The following DPYD variants were observed in gnomAD, a reference collection of about 807,000 sequenced individuals.
DPYD encodes dihydropyrimidine dehydrogenase [NADP(+)].
In DPYD, 109 loss-of-function variants were observed where a neutral mutation model predicts 116.2. That is an observed-to-expected ratio of 0.94 (90% confidence interval 0.80 to 1.10). The LOEUF is 1.10. Among genes scored for constraint, DPYD ranks in the 50% least tolerant of loss-of-function variants. The probability of loss-of-function intolerance (pLI) is 0.00; values close to 1 mark genes in which losing one functional copy is unlikely to be tolerated. For synonymous variants in DPYD, 440 were observed against 432.0 expected, an observed-to-expected ratio of 1.02 and a Z score of -0.23; for missense variants, 1,302 against 1,254.5, an observed-to-expected ratio of 1.04 and a Z score of -0.57.
chr1:97,177,036 A>T (rs569628705), intron 20 of DPYD, among the ~76,000 whole-genome samples: 86 of 152,254 alleles, frequency 5.6e-4, no homozygotes, highest in Non-Finnish European at 9.4e-4. Flanking sequence ...GTTTCAGGTT[A>T]TCTAGGAAAA....
At position 97,633,200 on chromosome 1, in the gene DPYD, A is replaced by G. The variant is rs1657372432; in HGVS notation, c.851-38034T>C. ...GTCAAGATAGGATATGACAACAATA[A>G]GTTATATTCAATAAGAAAGAAAAAG... On this transcript the variant is annotated intron_variant, in intron 8 of 22. Transcript: ENST00000370192. Among the ~76,000 whole-genome samples the G allele has an allele frequency of 2.6e-5, 4 of 152,296 alleles. No individual in the cohort carries two copies. The South Asian group carries it at 8.3e-4, about 32-fold the overall frequency.
intron 12 of DPYD, among the ~76,000 whole-genome samples, chr1:97,537,042 A>G (rs1650054768): frequency 6.6e-6 from 1 of 152,256 alleles, no homozygotes; most frequent in Non-Finnish European, 1.5e-5. Flanking sequence ...GTGAAATTAA[A>G]GTGATATTTT....
At chr1:97,198,489 G>C (rs973487054) in intron 19 of DPYD, among the ~76,000 whole-genome samples, 1 of 152,132 alleles carries the variant, frequency 6.6e-6, no homozygotes, top group Admixed American at 6.6e-5. Context: ...CTTTGCCCAT[G>C]GATTTGATCT....
At chr1:97,553,760 A>G (rs1455674674) in intron 11 of DPYD, among the ~76,000 whole-genome samples, 1 of 152,050 alleles carries the variant, frequency 6.6e-6, no homozygotes, top group Non-Finnish European at 1.5e-5. Flanking sequence ...AGACTGTGGC[A>G]TATGTCCCAG....
chr1:97,379,855 G>C (rs557346108), intron 15 of DPYD, among the ~76,000 whole-genome samples: 2 of 152,190 alleles, frequency 1.3e-5, no homozygotes, highest in African/African-American at 2.4e-5. Flanking sequence ...AAAGTGATGA[G>C]AGAATGGGTG....
chr1:97,118,881 T>C (rs1390203079), intron 20 of DPYD, among the ~76,000 whole-genome samples: 1 of 152,090 alleles, frequency 6.6e-6, no homozygotes, highest in Non-Finnish European at 1.5e-5. Flanking sequence ...GCGCATATCA[T>C]CTGAGGATTG....
At chr1:97,761,827 G>T (rs950466272) in intron 3 of DPYD, among the ~76,000 whole-genome samples, 1 of 152,072 alleles carries the variant, frequency 6.6e-6, no homozygotes, top group African/African-American at 2.4e-5. Flanking sequence ...ATGCAGCCAT[G>T]AAAAAGAATG....
At position 97,801,942 on chromosome 1, in the gene DPYD, TTAACA is replaced by T. The variant is rs532344003; in HGVS notation, c.233+26167_233+26171del. On this transcript the variant is annotated intron_variant, in intron 3 of 22. Transcript: ENST00000370192. Reference sequence around the variant, plus strand: ...AGTAGTGTCTAATTTTCATACAAACTTAACATATCTCCTTTTAATATTTTAGAAGT... The same window carrying T: ...AGTAGTGTCTAATTTTCATACAAACTTATCTCCTTTTAATATTTTAGAAGT... Among the ~76,000 whole-genome samples, 49 of 151,996 alleles carry T rather than the reference TTAACA, an allele frequency of 3.2e-4. 1 individual carries two copies. The East Asian group carries it at 8.9e-3, about 28-fold the overall frequency.
intron 5 of DPYD, among the ~76,000 whole-genome samples, chr1:97,705,142 T>A (rs192739896): frequency 1.9e-3 from 290 of 152,022 alleles, no homozygotes; most frequent in Non-Finnish European, 3.4e-3. Flanking sequence ...TTTTTTTTTT[T>A]AAATTATACT....
chr1:97,355,356 T>A (rs2101365959), intron 16 of DPYD, among the ~76,000 whole-genome samples: 1 of 152,312 alleles, frequency 6.6e-6, no homozygotes, highest in East Asian at 1.9e-4. Context: ...TAAATCAAGT[T>A]AATTAACATA....
chr1:97,103,719 G>C (rs989746859), intron 20 of DPYD, among the ~76,000 whole-genome samples: 1 of 152,080 alleles, frequency 6.6e-6, no homozygotes, highest in Non-Finnish European at 1.5e-5. Context: ...GCACTCATTA[G>C]CTGTGTGACT....
chr1:97,250,474 T>C lies in DPYD; in HGVS notation c.2300-15480A>G, dbSNP rs144217871. Among the ~76,000 whole-genome samples, 452 of 152,148 alleles carry C rather than the reference T, an allele frequency of 3.0e-3. 2 individuals carry two copies. The highest frequency in any genetic ancestry group is 5.1e-3 in the Non-Finnish European group (349 of 67,998). Reference sequence around the variant, plus strand: ...AGCCTTACCCATAACAGCTCAAAACTGGAAACAACTGAAATATCCATCAAT... The same window carrying C: ...AGCCTTACCCATAACAGCTCAAAACCGGAAACAACTGAAATATCCATCAAT... On this transcript the variant is annotated intron_variant, in intron 18 of 22. Coordinates refer to ENST00000370192, the MANE Select transcript of DPYD (RefSeq NM_000110.4).
chr1:97,178,579 C>T (rs1657448526), intron 20 of DPYD, among the ~76,000 whole-genome samples: 1 of 152,116 alleles, frequency 6.6e-6, no homozygotes, highest in Admixed American at 6.6e-5. Flanking sequence ...CACCTCTCAC[C>T]AGGTTCCACC....
chr1:97,570,020 ACTTAT>A (rs1183238887), intron 11 of DPYD, among the ~76,000 whole-genome samples: 7 of 152,012 alleles, frequency 4.6e-5, no homozygotes, highest in African/African-American at 1.7e-4. Context: ...TAAATGATAT[ACTTAT>A]CTTTTCTATA....
At chr1:97,177,859 G>A (rs1570610951) in intron 20 of DPYD, among the ~76,000 whole-genome samples, 1 of 152,042 alleles carries the variant, frequency 6.6e-6, no homozygotes, top group African/African-American at 2.4e-5. Context: ...CATTCTGGAC[G>A]CTGGGAAGTT....
chr1:97,356,069 T>C (rs1411759724), intron 16 of DPYD, among the ~76,000 whole-genome samples: 2 of 152,172 alleles, frequency 1.3e-5, no homozygotes, highest in Non-Finnish European at 2.9e-5. Context: ...GGCTCCCTTT[T>C]CTCTGCATCT....
At chr1:97,642,673 T>A (rs374726983) in intron 8 of DPYD, among the ~76,000 whole-genome samples, 90 of 135,714 alleles carry the variant, frequency 6.6e-4, no homozygotes, top group Admixed American at 1.9e-3. Context: ...TAGGTGGGAA[T>A]TGAACAATGA....
At chr1:97,399,891 C>T (rs1279470482) in intron 14 of DPYD, among the ~76,000 whole-genome samples, 1 of 152,170 alleles carries the variant, frequency 6.6e-6, no homozygotes, top group East Asian at 1.9e-4. Context: ...ATGTCATCTG[C>T]AAACAAGGAC....
At chr1:97,257,603 T>C (rs1379559946) in intron 18 of DPYD, among the ~76,000 whole-genome samples, 3 of 151,804 alleles carry the variant, frequency 2.0e-5, no homozygotes, top group Non-Finnish European at 4.4e-5. Flanking sequence ...GGTACAAGTA[T>C]ATCTTCCCAG....
Sources: allele counts gnomAD v4.1 joint callset (sites outside exome capture counted in the v4.1 genomes callset), GRCh38; gene constraint gnomAD v4.1.1; transcripts MANE v1.5; gene names NCBI Gene and HGNC (gene_info 2026-07-23, HGNC 2026-07-21).